CALD1: variants seen among roughly 807,000 people sequenced by gnomAD.
CALD1 encodes caldesmon 1, also known as caldesmon.
In CALD1, 33 loss-of-function variants were observed where a neutral mutation model predicts 99.9. That is an observed-to-expected ratio of 0.33 (90% CI 0.25 to 0.44). CALD1 has a LOEUF of 0.44. Ranked by LOEUF, CALD1 falls within the 20% of genes least tolerant of loss-of-function variation. The pLI is 1.00. For synonymous variants in CALD1, 310 were observed against 325.0 expected (o/e 0.95, Z 0.50); for missense variants, 861 against 962.1 (o/e 0.89, Z 1.39).
intron 1 of CALD1, among the ~76,000 whole-genome samples, chr7:134,768,109 TAAG>T (rs1039264860): frequency 3.3e-5 from 5 of 152,116 alleles, no homozygotes; most frequent in African/African-American, 9.7e-5. Flanking sequence ...GCTCAGGAAA[TAAG>T]GAGACAGAGA....
At position 134,755,432 on chromosome 7, in the gene CALD1, T is replaced by C. The variant is rs569628414; in HGVS notation, c.-130+11069T>C. Among the ~76,000 whole-genome samples the C allele has an allele frequency of 3.9e-5, 6 of 152,362 alleles. No individual in the cohort carries two copies. In the East Asian group the frequency reaches 5.8e-4, roughly 15 times the overall value. ...TGCTTTTCATTGATTACAAGTAAGA[T>C]TGAACATTTTTGTGTATGCCTACTA... On this transcript the variant is annotated intron_variant, in intron 1 of 13. Transcript: ENST00000417172.
chr7:134,809,031 G>C (rs1485883480), intron 1 of CALD1, among the ~76,000 whole-genome samples: 1 of 152,322 alleles, frequency 6.6e-6, no homozygotes, highest in South Asian at 2.1e-4. Flanking sequence ...CCAGGGGAGA[G>C]ACTATCTCAT....
the CALD1 span, among the ~76,000 whole-genome samples, chr7:134,734,261 T>C: frequency 6.6e-6 from 1 of 152,246 alleles, no homozygotes. Context: ...CAGATTTTTA[T>C]TTCTCTCCAA....
chr7:134,967,270 T>C (rs1197626342), intron 14 of CALD1, among the ~76,000 whole-genome samples: 1 of 151,858 alleles, frequency 6.6e-6, no homozygotes, highest in Admixed American at 6.6e-5. Context: ...CACTAACTTC[T>C]TTCTACAGTA....
At chr7:134,906,785 C>T (rs1803416892) in intron 3 of CALD1, among the ~76,000 whole-genome samples, 1 of 152,094 alleles carries the variant, frequency 6.6e-6, no homozygotes, top group Non-Finnish European at 1.5e-5. Flanking sequence ...TTCCTAGGGC[C>T]TCCTATAGTC....
chr7:134,874,696 T>C (rs1435293157), intron 3 of CALD1, among the ~76,000 whole-genome samples: 1 of 152,196 alleles, frequency 6.6e-6, no homozygotes, highest in Non-Finnish European at 1.5e-5. Context: ...TTCAGAAGCT[T>C]ACAGACATAA....
intron 1 of CALD1, among the ~76,000 whole-genome samples, chr7:134,773,933 T>C (rs946027215): frequency 1.5e-4 from 23 of 151,976 alleles, no homozygotes; most frequent in Middle Eastern, 3.4e-3. Context: ...CACTTTGGGA[T>C]ACCGAGGCAG....
intron 1 of CALD1, among the ~76,000 whole-genome samples, chr7:134,841,884 C>T (rs1427023047): frequency 1.3e-5 from 2 of 152,194 alleles, no homozygotes; most frequent in East Asian, 3.8e-4. Context: ...TCACACCAGG[C>T]TTCTCAAGGG....
chr7:134,962,795 A>C (rs568153990), intron 13 of CALD1: 12 of 449,074 alleles, frequency 2.7e-5, no homozygotes, highest in Non-Finnish European at 3.6e-5. Context: ...GTTTAAAAAA[A>C]AACAACCAAC....
intron 2 of CALD1, among the ~76,000 whole-genome samples, chr7:134,864,944 C>T (rs965807331): frequency 3.3e-5 from 5 of 152,064 alleles, no homozygotes; most frequent in African/African-American, 7.2e-5. Flanking sequence ...TAAAACTCTC[C>T]GAGAACGCAT....
At chr7:134,915,183 C>T (rs1259643502) in intron 3 of CALD1, among the ~76,000 whole-genome samples, 3 of 152,218 alleles carry the variant, frequency 2.0e-5, no homozygotes, top group African/African-American at 7.2e-5. Flanking sequence ...CCCATGCCTC[C>T]TCCTCGGAAC....
intron 1 of CALD1, among the ~76,000 whole-genome samples, chr7:134,788,660 G>A (rs536204035): frequency 7.2e-5 from 11 of 152,272 alleles, no homozygotes; most frequent in Non-Finnish European, 1.3e-4. Flanking sequence ...GCTGTGATTT[G>A]AACCTAAAAA....
intron 8 of CALD1, among the ~76,000 whole-genome samples, chr7:134,950,072 C>G (rs369479165): frequency 6.6e-6 from 1 of 152,176 alleles, no homozygotes; most frequent in South Asian, 2.1e-4. Context: ...TGAGCCCTCA[C>G]GAAAGCCCTA....
rs1805916800 is a variant in CALD1, at chr7:134,935,708, A to C, written c.1329A>C (p.Lys443Asn). Residue 443 changes from lysine (K) to asparagine (N), a missense_variant, in exon 6 of 15, where the codon AAA becomes AAC. Physicochemically the swap from Lys to Asn is moderately conservative, Grantham distance 94. Transcript: ENST00000361675. ...LKKQGEEKGTKVQAKREKLQE... is the reference protein window; with the variant it reads ...LKKQGEEKGTNVQAKREKLQE... ...AAAAGGGAGAAGAGAAGGGAACTAA[A>C]GTGCAAGCTAAAAGAGAAAAGCTCC... 2 of 1,605,760 alleles carry C rather than the reference A, an allele frequency of 1.2e-6. No individual in the cohort carries two copies. The highest frequency in any genetic ancestry group is 1.7e-6 in the Non-Finnish European group (2 of 1,176,724).
chr7:134,940,655 C>T (rs1806357352), intron 6 of CALD1, among the ~76,000 whole-genome samples: 1 of 152,080 alleles, frequency 6.6e-6, no homozygotes, highest in Non-Finnish European at 1.5e-5. Context: ...TCTTTCTTTC[C>T]CATTTGTGTC....
intron 1 of CALD1, among the ~76,000 whole-genome samples, chr7:134,835,038 G>T (rs1327162738): frequency 6.6e-6 from 1 of 152,196 alleles, no homozygotes; most frequent in South Asian, 2.1e-4. Context: ...TAGTGCAAAG[G>T]CCTCTGTATC....
rs1482924217 is a variant in CALD1 at position 134,779,639 on chromosome 7, G to T, written c.-240G>T. 7 of 398,780 alleles carry T rather than the reference G, an allele frequency of 1.8e-5. No homozygotes were observed. Among genetic ancestry groups the T allele is most frequent in the Non-Finnish European group, 3.1e-5 (7 of 226,188 alleles). 24.7% of individuals were successfully genotyped at this position (398,780 alleles called of 1,614,324 possible). On this transcript the variant is annotated 5_prime_UTR_variant, in exon 1 of 15. Transcript: ENST00000361675. ...GGAGTTTTATTGAATAGAGCAGTGT[G>T]TATTCGGCTGCCTGCCTGCCCGCCT...
the CALD1 span, among the ~76,000 whole-genome samples, chr7:134,733,792 G>C: frequency 6.9e-6 from 1 of 145,544 alleles, no homozygotes; most frequent in Admixed American, 7.0e-5. Context: ...CTGGGTGACT[G>C]AGCGAGACTC....
chr7:134,892,584 G>C (rs1004301956), intron 3 of CALD1, among the ~76,000 whole-genome samples: 2 of 152,108 alleles, frequency 1.3e-5, no homozygotes, highest in Admixed American at 6.5e-5. Flanking sequence ...AACTCATCAG[G>C]GTCCTAAAAA....
Sources: gnomAD v4.1 joint callset for allele counts (sites outside exome capture counted in the v4.1 genomes callset) on GRCh38, gnomAD v4.1.1 for gene constraint, MANE v1.5 for transcripts, NCBI Gene and HGNC (gene_info 2026-07-23, HGNC 2026-07-21) for gene names.